The following FBXL17 variants were observed in gnomAD, a reference collection of about 807,000 sequenced individuals.
FBXL17 encodes F-box/LRR-repeat protein 17.
FBXL17 carries 22 observed loss-of-function variants against 66.2 expected under a neutral mutation model. The ratio of observed to expected loss-of-function variants is 0.33; its 90% CI spans 0.24 to 0.47. The LOEUF (loss-of-function observed/expected upper bound fraction) is 0.47. Ranked by LOEUF, FBXL17 falls within the 20% of genes least tolerant of loss-of-function variation. The probability of loss-of-function intolerance (pLI) is 1.00; values close to 1 mark genes in which losing one functional copy is unlikely to be tolerated. For synonymous variants in FBXL17, 474 were observed against 400.5 expected (o/e 1.18, Z -2.19); for missense variants, 878 against 948.2 (o/e 0.93, Z 0.97).
chr5:108,359,377 A>G (rs951265350), intron 3 of FBXL17, among the ~76,000 whole-genome samples: 1 of 151,976 alleles, frequency 6.6e-6, no homozygotes, highest in African/African-American at 2.4e-5. Context: ...TTCTTTCTCA[A>G]GGTGTACGCT....
In FBXL17 at chr5:108,154,648, C is replaced by CAT. The variant is rs202122522; in HGVS notation, c.1745+31467_1745+31468dup. ...ACACACACACACACACACACACACA[C>CAT]ATATATGTATATACATATATATGTG... is the stretch of plus-strand genomic sequence containing the variant. On this transcript the variant is annotated intron_variant, in intron 6 of 8. Coordinates refer to ENST00000542267, the MANE Select transcript of FBXL17 (RefSeq NM_001163315.3). Among the ~76,000 whole-genome samples the CAT allele has an allele frequency of 4.9e-3, 570 of 116,136 alleles. 20 individuals are homozygous for CAT. Among genetic ancestry groups the CAT allele is most frequent in the African/African-American group, 0.018 (499 of 27,672 alleles). The allele number at this position is 116,136 out of a possible 152,430, so 76.2% of individuals were successfully genotyped here. A position where few individuals can be genotyped will look rare whatever the true frequency, so the allele number is the denominator to read the frequency against.
chr5:108,324,412 A>C (rs1013008865), intron 4 of FBXL17, among the ~76,000 whole-genome samples: 5 of 152,062 alleles, frequency 3.3e-5, no homozygotes, highest in African/African-American at 1.2e-4. Context: ...CTATAAAAAT[A>C]AATAAATAAA....
chr5:108,075,816 C>A (rs1005215204), intron 6 of FBXL17, among the ~76,000 whole-genome samples: 1 of 151,988 alleles, frequency 6.6e-6, no homozygotes, highest in Non-Finnish European at 1.5e-5. Flanking sequence ...ACCTTTCTCA[C>A]AGCTAAACTT....
chr5:108,076,758 T>G (rs146259974), intron 6 of FBXL17, among the ~76,000 whole-genome samples: 186 of 152,308 alleles, frequency 1.2e-3, no homozygotes, highest in African/African-American at 4.0e-3. Flanking sequence ...ACTGAGAGTC[T>G]GACACCTTTC....
chr5:108,357,424 T>C (rs1748071875), intron 3 of FBXL17, among the ~76,000 whole-genome samples: 1 of 152,092 alleles, frequency 6.6e-6, no homozygotes, highest in East Asian at 1.9e-4. Flanking sequence ...AATGGAAAGA[T>C]CCAGCAGGCA....
intron 6 of FBXL17, among the ~76,000 whole-genome samples, chr5:108,087,103 G>A (rs1749004050): frequency 6.6e-6 from 1 of 152,188 alleles, no homozygotes; most frequent in Admixed American, 6.5e-5. Context: ...AATGGAGCTG[G>A]AGCTGATGGA....
At chr5:108,029,737 T>C (rs1408408593) in intron 6 of FBXL17, among the ~76,000 whole-genome samples, 3 of 152,132 alleles carry the variant, frequency 2.0e-5, no homozygotes, top group Non-Finnish European at 4.4e-5. Context: ...GTAGTTTATT[T>C]TTTTAATCCA....
chr5:107,998,074 C>T (rs935416815), intron 7 of FBXL17, among the ~76,000 whole-genome samples: 10 of 152,112 alleles, frequency 6.6e-5, no homozygotes, highest in East Asian at 1.9e-4. Flanking sequence ...AATACACACC[C>T]GATTTCAAAG....
rs769903670 is a variant in FBXL17, at chr5:108,262,082, A to ATT, written c.1507-37856_1507-37855dup. On this transcript the variant is annotated intron_variant, in intron 4 of 8. Transcript: ENST00000542267. ...TATTTATTTATTTATTTATTTATTT[A>ATT]TTTATTTTTTTTGAGACAGAGTCTC... 9.3e-4 allele frequency among the ~76,000 whole-genome samples: 106 copies of ATT among 114,216 alleles called. 2 individuals carry two copies. Among genetic ancestry groups the ATT allele is most frequent in the Middle Eastern group, 4.1e-3 (1 of 246 alleles). 74.9% of individuals were successfully genotyped at this position (114,216 alleles called of 152,430 possible).
chr5:108,229,725 A>T (rs1402905241), intron 4 of FBXL17, among the ~76,000 whole-genome samples: 1 of 152,210 alleles, frequency 6.6e-6, no homozygotes, highest in Non-Finnish European at 1.5e-5. Context: ...GTGGGGCTTA[A>T]TTAAACTAAA....
rs534246743 is a variant in FBXL17 at position 107,955,944 on chromosome 5, T to C, written c.1822+64981A>G. ...TAAAAACATCTTTAGCGTTACTTGCTAAAAAATCAATTACCTCAAAACCAA... is the reference window on the plus strand; with the variant it reads ...TAAAAACATCTTTAGCGTTACTTGCCAAAAAATCAATTACCTCAAAACCAA... On this transcript the variant is annotated intron_variant, in intron 7 of 8. Coordinates refer to ENST00000542267, the MANE Select transcript of FBXL17 (RefSeq NM_001163315.3). Among the ~76,000 whole-genome samples, 4 of 152,274 alleles carry C rather than the reference T, an allele frequency of 2.6e-5. No homozygotes were observed. The South Asian group carries it at 6.2e-4, about 24-fold the overall frequency.
chr5:108,077,011 A>C (rs771330875), intron 6 of FBXL17, among the ~76,000 whole-genome samples: 18 of 152,196 alleles, frequency 1.2e-4, no homozygotes, highest in Admixed American at 2.6e-4. Context: ...TTCCAGACCT[A>C]AGGTAAGTAC....
chr5:107,899,620 G>T (rs113490926), intron 7 of FBXL17, among the ~76,000 whole-genome samples: 1,724 of 152,208 alleles, frequency 0.011, 40 homozygotes, highest in African/African-American at 0.038. Context: ...CCTCTTAAAA[G>T]AAGATTTTTG....
intron 4 of FBXL17, among the ~76,000 whole-genome samples, chr5:108,274,351 G>A (rs1217406115): frequency 6.6e-6 from 1 of 152,176 alleles, no homozygotes; most frequent in Admixed American, 6.5e-5. Context: ...TCCATGCTGA[G>A]AAAAAGAATT....
At chr5:107,911,575 C>T (rs1008417131) in intron 7 of FBXL17, among the ~76,000 whole-genome samples, 3 of 152,010 alleles carry the variant, frequency 2.0e-5, no homozygotes, top group African/African-American at 7.2e-5. Flanking sequence ...CATTTTATGG[C>T]TGAGGAAATG....
At chr5:108,322,170 C>A (rs1355270045) in intron 4 of FBXL17, among the ~76,000 whole-genome samples, 1 of 151,922 alleles carries the variant, frequency 6.6e-6, no homozygotes, top group African/African-American at 2.4e-5. Flanking sequence ...GGCCTGTACA[C>A]TCTGACTCAG....
At chr5:108,273,118 T>G (rs1757343490) in intron 4 of FBXL17, among the ~76,000 whole-genome samples, 1 of 152,062 alleles carries the variant, frequency 6.6e-6, no homozygotes, top group Non-Finnish European at 1.5e-5. Context: ...CAAATAGGTG[T>G]GGGTCACAGA....
At chr5:108,244,264 T>C (rs938613175) in intron 4 of FBXL17, among the ~76,000 whole-genome samples, 3 of 152,142 alleles carry the variant, frequency 2.0e-5, no homozygotes, top group African/African-American at 7.2e-5. Flanking sequence ...TATGGAAGCA[T>C]TTTAAGTATA....
chr5:107,923,060 AT>A (rs1378922904), intron 7 of FBXL17, among the ~76,000 whole-genome samples: 1 of 152,138 alleles, frequency 6.6e-6, no homozygotes, highest in Non-Finnish European at 1.5e-5. Flanking sequence ...TGAAAATCAA[AT>A]TTTTCATGAA....
Sources: allele counts gnomAD v4.1 joint callset (sites outside exome capture counted in the v4.1 genomes callset), GRCh38; gene constraint gnomAD v4.1.1; transcripts MANE v1.5; gene names NCBI Gene and HGNC (gene_info 2026-07-23, HGNC 2026-07-21).